KCND2: variants seen among roughly 807,000 people sequenced by gnomAD.
KCND2 encodes the protein potassium voltage-gated channel subfamily D member 2, also known as A-type voltage-gated potassium channel KCND2.
A neutral mutation model predicts 54.4 loss-of-function variants in KCND2; 16 were observed. The observed-to-expected ratio is 0.29, with a 90% CI of 0.20 to 0.45. The LOEUF (loss-of-function observed/expected upper bound fraction) is 0.45. Ranked by LOEUF, KCND2 falls within the 20% of genes least tolerant of loss-of-function variation. The pLI is 1.00. For missense variants in KCND2, 486 were observed against 824.2 expected, an observed-to-expected ratio of 0.59 and a Z score of 5.02; for synonymous variants, 317 against 310.7, an observed-to-expected ratio of 1.02 and a Z score of -0.21.
At chr7:120,675,650 A>G (rs1562905898) in intron 1 of KCND2, among the ~76,000 whole-genome samples, 1 of 152,076 alleles carries the variant, frequency 6.6e-6, no homozygotes, top group Admixed American at 6.6e-5. Context: ...TATAATACAT[A>G]CCTATTTCTA....
At chr7:120,519,421 A>G (rs1304432912) in intron 1 of KCND2, among the ~76,000 whole-genome samples, 2 of 152,134 alleles carry the variant, frequency 1.3e-5, no homozygotes, top group Non-Finnish European at 2.9e-5. Flanking sequence ...GCCAGCAAGG[A>G]AACAGGGACC....
At chr7:120,398,041 G>C (rs1264938982) in intron 1 of KCND2, among the ~76,000 whole-genome samples, 1 of 95,712 alleles carries the variant, frequency 1.0e-5, no homozygotes, top group Admixed American at 1.1e-4. Flanking sequence ...ATATATATTT[G>C]CTCTTTTTCC....
At chr7:120,671,824 T>C (rs1394841553) in intron 1 of KCND2, among the ~76,000 whole-genome samples, 1 of 152,142 alleles carries the variant, frequency 6.6e-6, no homozygotes, top group Admixed American at 6.5e-5. Flanking sequence ...TCATTCTACA[T>C]ATTCCTTCTT....
At chr7:120,427,652 A>T (rs560444208) in intron 1 of KCND2, among the ~76,000 whole-genome samples, 1 of 152,302 alleles carries the variant, frequency 6.6e-6, no homozygotes, top group South Asian at 2.1e-4. Context: ...AACATGAGAA[A>T]ATGTTTATCC....
chr7:120,720,384 A>T (rs141964042), intron 1 of KCND2, among the ~76,000 whole-genome samples: 42 of 152,166 alleles, frequency 2.8e-4, no homozygotes, highest in African/African-American at 8.9e-4. Flanking sequence ...ACCAGGGTGG[A>T]TCTTTGTAGT....
chr7:120,555,574 C>A (rs977829257), intron 1 of KCND2, among the ~76,000 whole-genome samples: 19 of 152,164 alleles, frequency 1.2e-4, no homozygotes, highest in Admixed American at 1.2e-3. Context: ...TCTACAAAAT[C>A]CAACTGTTTG....
At chr7:120,743,956 G>T (rs907949719) in intron 4 of KCND2, among the ~76,000 whole-genome samples, 2 of 152,132 alleles carry the variant, frequency 1.3e-5, no homozygotes, top group African/African-American at 2.4e-5. Context: ...AAAGTTAAAT[G>T]ATACATTAAT....
chr7:120,574,985 A>G (rs895126070), intron 1 of KCND2, among the ~76,000 whole-genome samples: 2 of 152,092 alleles, frequency 1.3e-5, no homozygotes, highest in African/African-American at 4.8e-5. Context: ...CATTCTTTAC[A>G]CTTACAAAGA....
chr7:120,298,646 T>C (rs186726283), intron 1 of KCND2, among the ~76,000 whole-genome samples: 4 of 152,316 alleles, frequency 2.6e-5, no homozygotes, highest in Admixed American at 2.6e-4. Context: ...TTTAGTGTCT[T>C]CTTAACTGAA....
intron 1 of KCND2, among the ~76,000 whole-genome samples, chr7:120,412,364 G>T (rs1801463455): frequency 6.6e-6 from 1 of 151,932 alleles, no homozygotes; most frequent in Admixed American, 6.6e-5. Flanking sequence ...CATTGTAAAG[G>T]TCTTGTGCCA....
intron 1 of KCND2, among the ~76,000 whole-genome samples, chr7:120,586,815 G>T (rs1236057978): frequency 6.6e-6 from 1 of 151,984 alleles, no homozygotes; most frequent in Non-Finnish European, 1.5e-5. Context: ...GTTTCATTTA[G>T]ACTAGAACTA....
intron 1 of KCND2, among the ~76,000 whole-genome samples, chr7:120,677,556 G>GATATAGATATAGATATATAT (rs1562906460): frequency 1.9e-5 from 2 of 107,556 alleles, no homozygotes; most frequent in African/African-American, 9.2e-5. Context: ...TAGATATATA[G>GATATAGATATAGATATATAT]ATATATAGAT....
intron 1 of KCND2, among the ~76,000 whole-genome samples, chr7:120,443,122 G>A (rs1801966506): frequency 6.6e-6 from 1 of 151,994 alleles, no homozygotes; most frequent in African/African-American, 2.4e-5. Context: ...AACCTGGGGT[G>A]TGTTCTCCAC....
intron 1 of KCND2, among the ~76,000 whole-genome samples, chr7:120,727,658 A>T (rs1792750794): frequency 6.6e-6 from 1 of 152,232 alleles, no homozygotes; most frequent in Non-Finnish European, 1.5e-5. Flanking sequence ...TTTAGAATTA[A>T]CATTTTTATG....
At position 120,345,253 on chromosome 7, in the gene KCND2, A is replaced by G. The variant is rs557424234; in HGVS notation, c.1115+69506A>G. 8.5e-5 allele frequency among the ~76,000 whole-genome samples: 13 copies of G among 152,288 alleles called. No homozygotes were observed. The South Asian group carries it at 2.7e-3, about 32-fold the overall frequency. ...TAAAAATACTGAAATTTGAGAAATG[A>G]GTGGTTAATTGGTCCCTTCAACTCC... On this transcript the variant is annotated intron_variant, in intron 1 of 5. Transcript: ENST00000331113.
chr7:120,653,201 A>ATTT lies in KCND2; in HGVS notation c.1116-79688_1116-79686dup, dbSNP rs34093547. Reference sequence around the variant, plus strand: ...GGCACACACCACCATGCCTGGCTACATTTTTTTTTTTTTTTTGTATTTTTG... The same window carrying ATTT: ...GGCACACACCACCATGCCTGGCTACATTTTTTTTTTTTTTTTTTTGTATTTTTG... On this transcript the variant is annotated intron_variant, in intron 1 of 5. Coordinates refer to ENST00000331113, the MANE Select transcript of KCND2 (RefSeq NM_012281.3). Among the ~76,000 whole-genome samples, 578 of 137,770 alleles carry ATTT rather than the reference A, an allele frequency of 4.2e-3. 5 individuals carry two copies. Among genetic ancestry groups the ATTT allele is most frequent in the African/African-American group, 0.015 (561 of 37,720 alleles). 90.4% of individuals were successfully genotyped at this position (137,770 alleles called of 152,430 possible).
intron 1 of KCND2, among the ~76,000 whole-genome samples, chr7:120,562,690 A>G (rs1333801025): frequency 6.6e-6 from 1 of 152,218 alleles, no homozygotes; most frequent in African/African-American, 2.4e-5. Context: ...AGGGGAAATT[A>G]TTTGCCAACA....
chr7:120,524,500 T>C (rs1236147900), intron 1 of KCND2, among the ~76,000 whole-genome samples: 2 of 152,226 alleles, frequency 1.3e-5, no homozygotes, highest in Non-Finnish European at 2.9e-5. Flanking sequence ...ATAGCCATTA[T>C]TTGTTTAAAA....
At chr7:120,600,616 G>C (rs895079141) in intron 1 of KCND2, among the ~76,000 whole-genome samples, 1 of 151,988 alleles carries the variant, frequency 6.6e-6, no homozygotes, top group Non-Finnish European at 1.5e-5. Flanking sequence ...TTTTTCAAAA[G>C]AAAAGGGACA....
Sources: allele counts gnomAD v4.1 joint callset (sites outside exome capture counted in the v4.1 genomes callset), GRCh38; gene constraint gnomAD v4.1.1; transcripts MANE v1.5; gene names NCBI Gene and HGNC (gene_info 2026-07-23, HGNC 2026-07-21).